The following ARHGAP10 variants were observed in gnomAD, a reference collection of about 807,000 sequenced individuals.
ARHGAP10 encodes Rho GTPase activating protein 10, also known as rho GTPase-activating protein 10.
A neutral mutation model predicts 108.6 loss-of-function variants in ARHGAP10; 87 were observed. The ratio of observed to expected loss-of-function variants is 0.80; its 90% CI spans 0.67 to 0.96. The LOEUF is 0.96. Ranked by LOEUF, ARHGAP10 falls within the 40% of genes least tolerant of loss-of-function variation. ARHGAP10 has a pLI of 0.00. For synonymous variants in ARHGAP10, 347 were observed against 341.1 expected (o/e 1.02, Z -0.19); for missense variants, 939 against 954.5 (o/e 0.98, Z 0.21).
intron 13 of ARHGAP10, among the ~76,000 whole-genome samples, chr4:147,921,099 G>C (rs1737213536): frequency 6.6e-6 from 1 of 152,224 alleles, no homozygotes; most frequent in Non-Finnish European, 1.5e-5. Flanking sequence ...ATTTATAAGC[G>C]AGGTAACTGA....
intron 20 of ARHGAP10, among the ~76,000 whole-genome samples, chr4:148,060,499 C>T (rs1318181612): frequency 1.3e-5 from 2 of 152,072 alleles, no homozygotes; most frequent in Non-Finnish European, 2.9e-5. Context: ...TCACCTGATC[C>T]TTCCCAGCCG....
At chr4:147,883,474 T>C (rs1054293425) in intron 10 of ARHGAP10, among the ~76,000 whole-genome samples, 3 of 152,164 alleles carry the variant, frequency 2.0e-5, no homozygotes, top group African/African-American at 7.2e-5. Flanking sequence ...TTGGATTCCT[T>C]TCTGAGTGCC....
At chr4:147,860,044 A>G (rs1734250475) in intron 5 of ARHGAP10, among the ~76,000 whole-genome samples, 1 of 152,220 alleles carries the variant, frequency 6.6e-6, no homozygotes, top group African/African-American at 2.4e-5. Flanking sequence ...GCTAATTTTC[A>G]GTGAATTGAG....
chr4:147,810,903 T>G (rs926151360), intron 1 of ARHGAP10, among the ~76,000 whole-genome samples: 2 of 152,244 alleles, frequency 1.3e-5, no homozygotes, highest in African/African-American at 4.8e-5. Context: ...CATTTTGTTC[T>G]AGATCCTGTG....
intron 13 of ARHGAP10, among the ~76,000 whole-genome samples, chr4:147,931,568 T>C (rs1354788895): frequency 6.6e-6 from 1 of 152,168 alleles, no homozygotes; most frequent in African/African-American, 2.4e-5. Context: ...ACCTATTCTA[T>C]ACAAGGCACC....
intron 1 of ARHGAP10, among the ~76,000 whole-genome samples, chr4:147,783,627 T>C (rs1209542066): frequency 2.0e-5 from 3 of 146,552 alleles, no homozygotes; most frequent in Non-Finnish European, 3.0e-5. Flanking sequence ...ATAGAACACA[T>C]TAAATTGTGT....
At chr4:147,981,256 G>A (rs920235606) in intron 18 of ARHGAP10, among the ~76,000 whole-genome samples, 1 of 152,072 alleles carries the variant, frequency 6.6e-6, no homozygotes, top group Non-Finnish European at 1.5e-5. Context: ...GGTATATTAT[G>A]TCTACTTTTG....
intron 20 of ARHGAP10, among the ~76,000 whole-genome samples, chr4:148,047,935 G>A (rs943203872): frequency 7.2e-5 from 11 of 151,982 alleles, no homozygotes; most frequent in Admixed American, 2.6e-4. Context: ...TGATTCTCCT[G>A]CCTCAGCCTC....
chr4:147,985,851 C>T (rs879344224), intron 18 of ARHGAP10, among the ~76,000 whole-genome samples: 5 of 152,150 alleles, frequency 3.3e-5, no homozygotes, highest in Admixed American at 1.3e-4. Context: ...CTGGGTTGCG[C>T]GGATCCCTAG....
intron 11 of ARHGAP10, among the ~76,000 whole-genome samples, chr4:147,908,846 T>A (rs1736614261): frequency 6.6e-6 from 1 of 152,214 alleles, no homozygotes; most frequent in Admixed American, 6.5e-5. Context: ...CCCTTTATCT[T>A]ATTTTTGCTC....
intron 1 of ARHGAP10, among the ~76,000 whole-genome samples, chr4:147,777,109 T>G (rs548186055): frequency 6.6e-6 from 1 of 152,310 alleles, no homozygotes; most frequent in Admixed American, 6.5e-5. Context: ...AAATTTACAT[T>G]AATGTTAAAC....
At chr4:147,868,902 T>C (rs1734682614) in intron 7 of ARHGAP10, among the ~76,000 whole-genome samples, 1 of 152,054 alleles carries the variant, frequency 6.6e-6, no homozygotes, top group Non-Finnish European at 1.5e-5. Flanking sequence ...TAACAGGCCA[T>C]GGACCGGTAC....
rs113542478 is a variant in ARHGAP10 at position 147,949,881 on chromosome 4, T to G, written c.1391+3177T>G. On this transcript the variant is annotated intron_variant, in intron 15 of 22. Transcript: ENST00000336498. ...TCCGTATGGTTCTTTTCTTTTGCTG[T>G]GTGGGAGGAATTTGTTTAATAAACT... 6.4e-4 allele frequency among the ~76,000 whole-genome samples: 97 copies of G among 152,322 alleles called. 2 individuals are homozygous for G. Among genetic ancestry groups the G allele is most frequent in the African/African-American group, 1.1e-3 (47 of 41,578 alleles).
At chr4:147,992,337 C>T (rs1452727231) in intron 18 of ARHGAP10, among the ~76,000 whole-genome samples, 1 of 152,142 alleles carries the variant, frequency 6.6e-6, no homozygotes, top group South Asian at 2.1e-4. Context: ...TCACACTGAC[C>T]ACCCCTCCCA....
At chr4:147,923,897 A>G (rs559303774) in intron 13 of ARHGAP10, among the ~76,000 whole-genome samples, 2 of 152,350 alleles carry the variant, frequency 1.3e-5, no homozygotes, top group South Asian at 4.1e-4. Context: ...CCAATTGCGC[A>G]TTAATTTTAA....
Position 147,964,985 on chromosome 4 carries a change from T to A in ARHGAP10, c.1451-39T>A, listed in dbSNP as rs778497872. The stretch of plus-strand genomic sequence containing the variant: ...TCTCTATTAACTATTGTTTTCTTTT[T>A]CTTTATTTTTTTCTTTATTATTATT... On this transcript the variant is annotated intron_variant, in intron 16 of 22. Coordinates refer to ENST00000336498, the MANE Select transcript of ARHGAP10 (RefSeq NM_024605.4). 75 of 1,395,972 alleles carry A rather than the reference T, an allele frequency of 5.4e-5. 1 individual carries two copies. The highest frequency in any genetic ancestry group is 4.2e-4 in the Middle Eastern group (2 of 4,776). 86.5% of individuals were successfully genotyped at this position (1,395,972 alleles called of 1,614,324 possible). A position where few individuals can be genotyped will look rare whatever the true frequency, so the allele number is the denominator to read the frequency against.
chr4:147,804,553 G>C (rs1025488064), intron 1 of ARHGAP10, among the ~76,000 whole-genome samples: 7 of 152,114 alleles, frequency 4.6e-5, no homozygotes, highest in African/African-American at 1.2e-4. Context: ...TGGTAGTTCT[G>C]TTTTAAGTTG....
intron 13 of ARHGAP10, among the ~76,000 whole-genome samples, chr4:147,922,775 T>C (rs1021308748): frequency 2.0e-5 from 3 of 152,198 alleles, no homozygotes; most frequent in African/African-American, 7.2e-5. Context: ...ACATAGTAGA[T>C]ATTCATTAAA....
chr4:147,866,683 C>T, intron 6 of ARHGAP10, 29 bp from the exon 7 acceptor site: 1 of 1,530,090 alleles, frequency 6.5e-7, no homozygotes, highest in Non-Finnish European at 9.0e-7. Flanking sequence ...TTTTTTTGTG[C>T]TAATATCTCT....
Sources: gnomAD v4.1 joint callset for allele counts (sites outside exome capture counted in the v4.1 genomes callset) on GRCh38, gnomAD v4.1.1 for gene constraint, MANE v1.5 for transcripts, NCBI Gene and HGNC (gene_info 2026-07-23, HGNC 2026-07-21) for gene names.